Variants in FEM1A observed in about 807,000 individuals in gnomAD.
FEM1A encodes the protein protein fem-1 homolog A.
In FEM1A, 1 loss-of-function variant was observed where a neutral mutation model predicts 0.7. The observed-to-expected ratio is 1.35, with a 90% confidence interval of 0.48 to 6.40. The LOEUF is 6.40. Ranked by LOEUF, FEM1A falls within the 30% of genes most tolerant of loss-of-function variation. The probability of loss-of-function intolerance (pLI) is 0.14; values close to 1 mark genes in which losing one functional copy is unlikely to be tolerated. For missense variants in FEM1A, 721 were observed against 918.7 expected (o/e 0.78, Z 2.78); for synonymous variants, 391 against 420.6 (o/e 0.93, Z 0.86).
In FEM1A at chr19:4,793,987, C is replaced by T. The variant is rs868226532; in HGVS notation, c.*123C>T. ...GGCACCAATCAGGAGAAGGGTTCTGCCTCCCATCCCCTCTACCTGCAGACA... is the reference window on the plus strand; with the variant it reads ...GGCACCAATCAGGAGAAGGGTTCTGTCTCCCATCCCCTCTACCTGCAGACA... On this transcript the variant is annotated 3_prime_UTR_variant, in exon 1 of 1. Coordinates refer to ENST00000269856, the MANE Select transcript of FEM1A (RefSeq NM_018708.3). The surrounding 1 kb of genome is among the most constrained non-coding windows in gnomAD (Gnocchi z 5.1). 1.7e-5 allele frequency: 16 copies of T among 948,100 alleles called. No individual in the cohort carries two copies. The highest frequency in any genetic ancestry group is 3.0e-4 in the Middle Eastern group (1 of 3,306). The allele number at this position is 948,100 out of a possible 1,614,324, so 58.7% of individuals were successfully genotyped here.
Position 4,793,269 on chromosome 19 carries a change from T to G in FEM1A, c.1415T>G (p.Val472Gly). Residue 472 changes from valine (V) to glycine (G), a missense_variant, in exon 1 of 1, where the codon GTC becomes GGC. Val to Gly is a moderately radical substitution (Grantham distance 109, BLOSUM62 -3). Transcript: ENST00000269856. The surrounding 1 kb of genome is among the most constrained non-coding windows in gnomAD (Gnocchi z 5.1). ...CTCATGGGGGTTCTCACCAAAGGGG[T>G]CCGGGAAGTGGAACGGGCCCTGCAG... Reference protein sequence around the residue: ...ADLMGVLTKGVREVERALQLP... With the variant: ...ADLMGVLTKGGREVERALQLP... 6.2e-7 allele frequency: 1 copy of G among 1,612,902 alleles called. No individual in the cohort carries two copies. Among genetic ancestry groups the G allele is most frequent in the Non-Finnish European group, 8.5e-7 (1 of 1,179,890 alleles).
At position 4,800,641 on chromosome 19, in the gene FEM1A, ATCC is replaced by A. The variant is rs2093567505; in HGVS notation, c.*6783_*6785del. 1 of 152,302 alleles carries A rather than the reference ATCC, an allele frequency of 6.6e-6. No homozygotes were observed. The highest frequency in any genetic ancestry group is 2.4e-5 in the African/African-American group (1 of 41,444). The allele number at this position is 152,302 out of a possible 1,614,324, so 9.4% of individuals were successfully genotyped here. A position where few individuals can be genotyped will look rare whatever the true frequency, so the allele number is the denominator to read the frequency against. Reference sequence around the variant, plus strand: ...AACAGTGAACGAGTTGGGAATTCACATCCTCCTCTGACTACTTGGGGCAGCAGC... The same window carrying A: ...AACAGTGAACGAGTTGGGAATTCACATCCTCTGACTACTTGGGGCAGCAGC... On this transcript the variant is annotated 3_prime_UTR_variant, in exon 1 of 1. Transcript: ENST00000269856.
chr19:4,792,921 C>T lies in FEM1A; in HGVS notation c.1067C>T (p.Thr356Ile). The stretch of plus-strand genomic sequence containing the variant: ...TATGACTATTCCAGGGAGGTCAACA[C>T]CACCGAGGAGCTGGAGGCGCTGATC... ...LAYDYSREVN[T>I]TEELEALITD... Residue 356 changes from threonine (T) to isoleucine (I), a missense_variant, in exon 1 of 1, where the codon ACC becomes ATC. By Grantham distance (89) the Thr-to-Ile change is moderately conservative (BLOSUM62 -1). This residue lies in a region of FEM1A where 379 missense variants were observed against 454.8 expected (regional missense o/e 0.83). Transcript: ENST00000269856. The surrounding 1 kb of genome is among the most constrained non-coding windows in gnomAD (Gnocchi z 6.7). 6.2e-7 allele frequency: 1 copy of T among 1,612,378 alleles called. No homozygotes were observed. The highest frequency in any genetic ancestry group is 8.5e-7 in the Non-Finnish European group (1 of 1,179,788).
At position 4,792,021 on chromosome 19, in the gene FEM1A, T is replaced by G; in HGVS notation, c.167T>G (p.Val56Gly). Residue 56 changes from valine (V) to glycine (G), a missense_variant, in exon 1 of 1, where the codon GTG becomes GGG. Physicochemically the swap from Val to Gly is moderately radical, Grantham distance 109. Transcript: ENST00000269856. This position sits in a 1 kb window ranked among gnomAD's most constrained non-coding sequence, Gnocchi z 6.7. Reference protein sequence around the residue: ...LIAARYGHLDVVEYLVDRCGA... With the variant: ...LIAARYGHLDGVEYLVDRCGA... ...GCCGCCCGCTACGGCCACCTGGACG[T>G]GGTGGAGTACCTGGTGGACCGGTGC... is the stretch of plus-strand genomic sequence containing the variant. 6.5e-7 allele frequency: 1 copy of G among 1,539,418 alleles called. No homozygotes were observed. The highest frequency in any genetic ancestry group is 2.3e-4 in the Middle Eastern group (1 of 4,340).
rs1019226088 is a variant in FEM1A, at chr19:4,791,823, G to T, written c.-32G>T. The T allele has an allele frequency of 2.8e-6, 4 of 1,453,560 alleles. No homozygotes were observed. The Admixed American group carries it at 9.8e-5, about 36-fold the overall frequency. The allele number at this position is 1,453,560 out of a possible 1,614,324, so 90.0% of individuals were successfully genotyped here. On this transcript the variant is annotated 5_prime_UTR_variant, in exon 1 of 1. Transcript: ENST00000269856. ...ATCCTCCGTCTCCCCGTCCCCCGGC[G>T]GCCGGCCCATGGCCTGGCGGAGGCC...
rs3034413 is a variant in FEM1A at position 4,797,158 on chromosome 19, C to CTTTTTTTTTTTTTTTTTTTTTTTTT, written c.*3295_*3319dup. 1 of 73,308 alleles carries CTTTTTTTTTTTTTTTTTTTTTTTTT rather than the reference C, an allele frequency of 1.4e-5. No homozygotes were observed. Among genetic ancestry groups the CTTTTTTTTTTTTTTTTTTTTTTTTT allele is most frequent in the Non-Finnish European group, 2.4e-5 (1 of 40,994 alleles). The allele number at this position is 73,308 out of a possible 1,614,324, so 4.5% of individuals were successfully genotyped here. On this transcript the variant is annotated 3_prime_UTR_variant, in exon 1 of 1. Transcript: ENST00000269856. ...ACGGCCCTCTTAAGATGAAGGTCAT[C>CTTTTTTTTTTTTTTTTTTTTTTTTT]TTTTTTTTTTTTTTTTTTTTTTTTT... is the stretch of plus-strand genomic sequence containing the variant.
At position 4,793,903 on chromosome 19, in the gene FEM1A, C is replaced by T; in HGVS notation, c.*39C>T. The T allele has an allele frequency of 6.4e-7, 1 of 1,552,308 alleles. No individual in the cohort carries two copies. The highest frequency in any genetic ancestry group is 8.7e-7 in the Non-Finnish European group (1 of 1,146,694). On this transcript the variant is annotated 3_prime_UTR_variant, in exon 1 of 1. Transcript: ENST00000269856. The surrounding 1 kb of genome is among the most constrained non-coding windows in gnomAD (Gnocchi z 5.1). ...CCTGCACCCTCACCTCTCCCCTCTCCTGCTGAGATGGGGGAAATCCGGCTG... is the reference window on the plus strand; with the variant it reads ...CCTGCACCCTCACCTCTCCCCTCTCTTGCTGAGATGGGGGAAATCCGGCTG...
At position 4,798,120 on chromosome 19, in the gene FEM1A, C is replaced by T. The variant is rs1302537071; in HGVS notation, c.*4256C>T. Reference sequence around the variant, plus strand: ...TGGTGGCAGGTGCCTGTAGTCCCAGCTACTCCGGAGTCTGAGGCAGGAGAA... The same window carrying T: ...TGGTGGCAGGTGCCTGTAGTCCCAGTTACTCCGGAGTCTGAGGCAGGAGAA... On this transcript the variant is annotated 3_prime_UTR_variant, in exon 1 of 1. Coordinates refer to ENST00000269856, the MANE Select transcript of FEM1A (RefSeq NM_018708.3). 4 of 148,994 alleles carry T rather than the reference C, an allele frequency of 2.7e-5. No homozygotes were observed. In the Admixed American group the frequency reaches 2.7e-4, roughly 10 times the overall value. The allele number at this position is 148,994 out of a possible 1,614,324, so 9.2% of individuals were successfully genotyped here. A position where few individuals can be genotyped will look rare whatever the true frequency, so the allele number is the denominator to read the frequency against.
Position 4,793,740 on chromosome 19 carries a change from G to A in FEM1A, c.1886G>A (p.Gly629Asp), listed in dbSNP as rs1306034839. ...ELLDEKLLARGTMQPFNYVTL... is the reference protein window; with the variant it reads ...ELLDEKLLARDTMQPFNYVTL... The stretch of plus-strand genomic sequence containing the variant: ...CTGGACGAGAAGCTGCTGGCCAGGG[G>A]TACCATGCAGCCCTTCAACTACGTG... The change falls in exon 1 of 1, where the codon GGT (glycine) becomes GAT (aspartate). Residue 629 changes from glycine (G) to aspartate (D), a missense_variant. Coordinates refer to ENST00000269856, the MANE Select transcript of FEM1A (RefSeq NM_018708.3). This position sits in a 1 kb window ranked among gnomAD's most constrained non-coding sequence, Gnocchi z 5.1. 7 of 1,612,378 alleles carry A rather than the reference G, an allele frequency of 4.3e-6. No individual in the cohort carries two copies. The highest frequency in any genetic ancestry group is 5.9e-6 in the Non-Finnish European group (7 of 1,179,804).
rs1319114303 is a variant in FEM1A at position 4,798,145 on chromosome 19, A to AC, written c.*4281_*4282insC. Reference sequence around the variant, plus strand: ...CTACTCCGGAGTCTGAGGCAGGAGAATGGCGTGAACCCGGGAGGCGGAGCT... The same window carrying AC: ...CTACTCCGGAGTCTGAGGCAGGAGAACTGGCGTGAACCCGGGAGGCGGAGCT... On this transcript the variant is annotated 3_prime_UTR_variant, in exon 1 of 1. Coordinates refer to ENST00000269856, the MANE Select transcript of FEM1A (RefSeq NM_018708.3). The AC allele has an allele frequency of 6.6e-6, 1 of 151,076 alleles. No homozygotes were observed. Among genetic ancestry groups the AC allele is most frequent in the Non-Finnish European group, 1.5e-5 (1 of 67,810 alleles). The allele number at this position is 151,076 out of a possible 1,614,324, so 9.4% of individuals were successfully genotyped here. A position where few individuals can be genotyped will look rare whatever the true frequency, so the allele number is the denominator to read the frequency against.
At position 4,796,567 on chromosome 19, in the gene FEM1A, C is replaced by G. The variant is rs1265893966; in HGVS notation, c.*2703C>G. On this transcript the variant is annotated 3_prime_UTR_variant, in exon 1 of 1. Coordinates refer to ENST00000269856, the MANE Select transcript of FEM1A (RefSeq NM_018708.3). ...TTCCATTCTAAAATTCTGGTTTTCT[C>G]CATATCAGAACAGTCAAACCCCCAC... is the stretch of plus-strand genomic sequence containing the variant. 1.3e-5 allele frequency: 2 copies of G among 152,200 alleles called. No individual in the cohort carries two copies. Among genetic ancestry groups the G allele is most frequent in the African/African-American group, 4.8e-5 (2 of 41,444 alleles). The allele number at this position is 152,200 out of a possible 1,614,324, so 9.4% of individuals were successfully genotyped here.
Position 4,793,226 on chromosome 19 carries a change from C to G in FEM1A, c.1372C>G (p.Gln458Glu), listed in dbSNP as rs747075318. The G allele has an allele frequency of 1.2e-6, 2 of 1,613,482 alleles. No homozygotes were observed. Among genetic ancestry groups the G allele is most frequent in the South Asian group, 1.1e-5 (1 of 91,078 alleles). ...GGCCGCCAAAGGCAGCCTGGGCACC[C>G]AGATCGGCTTTGCAGACCTCATGGG... ...DRAAKGSLGT[Q>E]IGFADLMGVL... Residue 458 changes from glutamine to glutamate, a missense_variant, in exon 1 of 1, where the codon CAG (glutamine) becomes GAG (glutamate). Physicochemically the swap from Gln to Glu is conservative, Grantham distance 29. Around this residue, in one of 4 missense-constraint regions of FEM1A, gnomAD observed 379 missense variants for 454.8 expected, o/e 0.83. Transcript: ENST00000269856. This position sits in a 1 kb window ranked among gnomAD's most constrained non-coding sequence, Gnocchi z 5.1.
In FEM1A at chr19:4,792,658, G is replaced by C. The variant is rs1390867927; in HGVS notation, c.804G>C (p.Gln268His). 6.2e-7 allele frequency: 1 copy of C among 1,612,084 alleles called. No homozygotes were observed. The highest frequency in any genetic ancestry group is 2.2e-5 in the East Asian group (1 of 44,870). ...PSTSQGCAQP[Q>H]GAPCCSSSPE... ...CCAGCCAGGGGTGTGCGCAGCCTCA[G>C]GGGGCTCCGTGCTGCAGCTCCTCCC... The change falls in exon 1 of 1, where the codon CAG (glutamine) becomes CAC (histidine). Residue 268 changes from glutamine to histidine, a missense_variant. Physicochemically the swap from Gln to His is conservative, Grantham distance 24. This residue lies in a region of FEM1A where 137 missense variants were observed against 121.7 expected (regional missense o/e 1.13). Coordinates refer to ENST00000269856, the MANE Select transcript of FEM1A (RefSeq NM_018708.3). This position sits in a 1 kb window ranked among gnomAD's most constrained non-coding sequence, Gnocchi z 6.7.
In FEM1A at chr19:4,796,085, G is replaced by A. The variant is rs1458687131; in HGVS notation, c.*2221G>A. 2 of 151,824 alleles carry A rather than the reference G, an allele frequency of 1.3e-5. No homozygotes were observed. The highest frequency in any genetic ancestry group is 4.8e-5 in the African/African-American group (2 of 41,314). The allele number at this position is 151,824 out of a possible 1,614,324, so 9.4% of individuals were successfully genotyped here. On this transcript the variant is annotated 3_prime_UTR_variant, in exon 1 of 1. Coordinates refer to ENST00000269856, the MANE Select transcript of FEM1A (RefSeq NM_018708.3). ...AAAAAGCCTGGGCAACATAGTGAGA[G>A]CCTGTCTTTACAAAAATAAAAAATA...
rs1019554741 is a variant in FEM1A, at chr19:4,793,467, C to T, written c.1613C>T (p.Pro538Leu). ...CCCAGGGGCAAGAACGGCTTCACCCCTCTGCACATGGCTGTGGACAAGGAC... is the reference window on the plus strand; with the variant it reads ...CCCAGGGGCAAGAACGGCTTCACCCTTCTGCACATGGCTGTGGACAAGGAC... ...CAPRGKNGFT[P>L]LHMAVDKDTT... The change falls in exon 1 of 1, where the codon CCT becomes CTT. Residue 538 changes from proline (P) to leucine (L), a missense_variant. Around this residue, in one of 4 missense-constraint regions of FEM1A, gnomAD observed 379 missense variants for 454.8 expected, o/e 0.83. Transcript: ENST00000269856. The surrounding 1 kb of genome is among the most constrained non-coding windows in gnomAD (Gnocchi z 5.1). 4 of 1,612,578 alleles carry T rather than the reference C, an allele frequency of 2.5e-6. No individual in the cohort carries two copies. Among genetic ancestry groups the T allele is most frequent in the Admixed American group, 1.7e-5 (1 of 60,014 alleles).
chr19:4,797,470 C>G lies in FEM1A; in HGVS notation c.*3606C>G, dbSNP rs1308027504. On this transcript the variant is annotated 3_prime_UTR_variant, in exon 1 of 1. Transcript: ENST00000269856. ...CCGCACCCGACCAGATGAAGGCCAT[C>G]TTAAAGCTCAACCAGTTTCAGGTGA... The G allele has an allele frequency of 6.6e-6, 1 of 151,904 alleles. No homozygotes were observed. Among genetic ancestry groups the G allele is most frequent in the African/African-American group, 2.4e-5 (1 of 41,336 alleles). 9.4% of individuals were successfully genotyped at this position (151,904 alleles called of 1,614,324 possible). A position where few individuals can be genotyped will look rare whatever the true frequency, so the allele number is the denominator to read the frequency against.
Position 4,793,929 on chromosome 19 carries a change from C to T in FEM1A, c.*65C>T, listed in dbSNP as rs2093558031. Reference sequence around the variant, plus strand: ...TGCTGAGATGGGGGAAATCCGGCTGCGGCATAGCAGATGCTCGTTCTTGCC... The same window carrying T: ...TGCTGAGATGGGGGAAATCCGGCTGTGGCATAGCAGATGCTCGTTCTTGCC... On this transcript the variant is annotated 3_prime_UTR_variant, in exon 1 of 1. Transcript: ENST00000269856. This position sits in a 1 kb window ranked among gnomAD's most constrained non-coding sequence, Gnocchi z 5.1. 7.4e-6 allele frequency: 11 copies of T among 1,491,376 alleles called. No homozygotes were observed. The highest frequency in any genetic ancestry group is 9.1e-6 in the Non-Finnish European group (10 of 1,103,634). The allele number at this position is 1,491,376 out of a possible 1,614,324, so 92.4% of individuals were successfully genotyped here.
rs2093559122 is a variant in FEM1A, at chr19:4,794,695, A to T, written c.*831A>T. 6.0e-6 allele frequency: 1 copy of T among 166,972 alleles called. No homozygotes were observed. The highest frequency in any genetic ancestry group is 2.4e-5 in the African/African-American group (1 of 41,412). The allele number at this position is 166,972 out of a possible 1,614,324, so 10.3% of individuals were successfully genotyped here. Reference sequence around the variant, plus strand: ...TAAAAGTCCACGGTGTCAACCCCTAAAACATGGGTGACCGTACATTTTTAT... The same window carrying T: ...TAAAAGTCCACGGTGTCAACCCCTATAACATGGGTGACCGTACATTTTTAT... On this transcript the variant is annotated 3_prime_UTR_variant, in exon 1 of 1. Coordinates refer to ENST00000269856, the MANE Select transcript of FEM1A (RefSeq NM_018708.3).
At position 4,800,745 on chromosome 19, in the gene FEM1A, T is replaced by A. The variant is rs551823508; in HGVS notation, c.*6881T>A. 6.6e-6 allele frequency: 1 copy of A among 152,440 alleles called. No homozygotes were observed. The highest frequency in any genetic ancestry group is 6.5e-5 in the Admixed American group (1 of 15,286). The allele number at this position is 152,440 out of a possible 1,614,324, so 9.4% of individuals were successfully genotyped here. On this transcript the variant is annotated 3_prime_UTR_variant, in exon 1 of 1. Transcript: ENST00000269856. ...CCCCCATGGAATTGCAGGACTGTTA[T>A]CTGAGCAACGTCGACGGGGGAGAAC...
Sources: allele counts gnomAD v4.1 joint callset, GRCh38; gene constraint gnomAD v4.1.1; regional missense constraint gnomAD v4.1.1; non-coding constraint Gnocchi (gnomAD v3.1); transcripts MANE v1.5; gene names NCBI Gene and HGNC (gene_info 2026-07-23, HGNC 2026-07-21).